Variants in CHMP1A observed in about 807,000 individuals in gnomAD.
CHMP1A encodes VPS46 homolog A.
A neutral mutation model predicts 27.0 loss-of-function variants in CHMP1A; 17 were observed. The observed-to-expected ratio is 0.63, with a 90% CI of 0.43 to 0.95. The LOEUF (loss-of-function observed/expected upper bound fraction) is 0.95, where lower values mean the gene tolerates loss of function less well. Ranked by LOEUF, CHMP1A falls within the 40% of genes least tolerant of loss-of-function variation. The pLI is 0.00. For synonymous variants in CHMP1A, 131 were observed against 107.5 expected, an observed-to-expected ratio of 1.22 and a Z score of -1.35; for missense variants, 275 against 264.0, an observed-to-expected ratio of 1.04 and a Z score of -0.29.
chr16:89,654,198 C>A (rs536296913), intron 1 of CHMP1A, among the ~76,000 whole-genome samples: 4 of 152,224 alleles, frequency 2.6e-5, no homozygotes, highest in Non-Finnish European at 4.4e-5. Context: ...ACCAGCCAAT[C>A]TCAAAGGGTT....
intron 1 of CHMP1A, 111 bp downstream of exon 1, chr16:89,657,471 C>T (rs2059893783): frequency 7.2e-7 from 1 of 1,397,478 alleles, no homozygotes. Context: ...CGGTCGAGGC[C>T]CGAGCTCTCC....
At chr16:89,648,693 C>T (rs183201209) in intron 4 of CHMP1A, among the ~76,000 whole-genome samples, 1 of 151,752 alleles carries the variant, frequency 6.6e-6, no homozygotes, top group East Asian at 1.9e-4. Context: ...GAGTTTGAGA[C>T]CAGAGCGGCC....
rs763955537 is a variant in CHMP1A at position 89,645,959 on chromosome 16, C to G, written c.*107G>C. 157 of 1,610,752 alleles carry G rather than the reference C, an allele frequency of 9.7e-5. No homozygotes were observed. Among genetic ancestry groups the G allele is most frequent in the Non-Finnish European group, 1.3e-4 (154 of 1,179,086 alleles). ...CAGGTGAGAGACGCAGAGTGGCTGCCGGCCGCAGCCCCGCGGGGTCAGCAC... is the reference window on the plus strand; with the variant it reads ...CAGGTGAGAGACGCAGAGTGGCTGCGGGCCGCAGCCCCGCGGGGTCAGCAC... On this transcript the variant is annotated 3_prime_UTR_variant, in exon 7 of 7. Transcript: ENST00000397901.
chr16:89,651,711 A>C lies in CHMP1A; in HGVS notation c.28-65T>G, dbSNP rs961199229. 62 of 1,493,000 alleles carry C rather than the reference A, an allele frequency of 4.2e-5. No individual in the cohort carries two copies. The African/African-American group carries it at 8.1e-4, about 20-fold the overall frequency. 92.5% of individuals were successfully genotyped at this position (1,493,000 alleles called of 1,614,324 possible). On this transcript the variant is annotated intron_variant, in intron 2 of 6. Transcript: ENST00000397901. ...GCCCATCCCCCAGGCCCGGCTCTCC[A>C]CACCCCCACACCTGTGCCCACACCT...
rs2059782300 is a variant in CHMP1A, at chr16:89,647,255, G to A, written c.329C>T (p.Ser110Leu). The stretch of plus-strand genomic sequence containing the variant: ...CTGCTGCTCGAACCTGTCCATCACT[G>A]AGGAGACCTTCTGCAGGTCCATGGT... Reference protein sequence around the residue: ...LSTMDLQKVSSVMDRFEQQVQ... With the variant: ...LSTMDLQKVSLVMDRFEQQVQ... The change falls in exon 5 of 7, where the codon TCA becomes TTA. Residue 110 changes from serine to leucine, a missense_variant. Physicochemically the swap from Ser to Leu is moderately radical, Grantham distance 145 (BLOSUM62 -2). Coordinates refer to ENST00000397901, the MANE Select transcript of CHMP1A (RefSeq NM_002768.5). 6.2e-7 allele frequency: 1 copy of A among 1,610,734 alleles called. No homozygotes were observed. Among genetic ancestry groups the A allele is most frequent in the Non-Finnish European group, 8.5e-7 (1 of 1,178,758 alleles).
chr16:89,644,673 C>T lies in CHMP1A; in HGVS notation c.*1393G>A, dbSNP rs956622185. 13 of 152,282 alleles carry T rather than the reference C, an allele frequency of 8.5e-5. No homozygotes were observed. The highest frequency in any genetic ancestry group is 3.1e-4 in the African/African-American group (13 of 41,456). 9.4% of individuals were successfully genotyped at this position (152,282 alleles called of 1,614,324 possible). On this transcript the variant is annotated 3_prime_UTR_variant, in exon 7 of 7. Transcript: ENST00000397901. ...CGTCTAGGACCTACCAACACTAGCCCCTCCCTGGGGGCTCCCAAGTTCTGA... is the reference window on the plus strand; with the variant it reads ...CGTCTAGGACCTACCAACACTAGCCTCTCCCTGGGGGCTCCCAAGTTCTGA...
At chr16:89,653,716 GA>G (rs2059842767) in intron 2 of CHMP1A, among the ~76,000 whole-genome samples, 187 bp downstream of exon 2, 1 of 149,204 alleles carries the variant, frequency 6.7e-6, no homozygotes, top group African/African-American at 2.5e-5. Context: ...CCTCAGATAA[GA>G]AAAGAGCTAA....
chr16:89,646,393 G>T, intron 6 of CHMP1A, 134 bp downstream of exon 6: 1 of 1,053,664 alleles, frequency 9.5e-7, no homozygotes, highest in Non-Finnish European at 1.4e-6. Flanking sequence ...TGGGGCCTCT[G>T]AGTCGAGATC....
intron 3 of CHMP1A, 100 bp from the exon 4 acceptor site, chr16:89,649,597 A>G: frequency 7.0e-7 from 1 of 1,435,004 alleles, no homozygotes; most frequent in Non-Finnish European, 9.5e-7. Flanking sequence ...TTTGTTTGAG[A>G]CGGAGTCTTG....
At chr16:89,650,634 C>T (rs2059816972) in intron 3 of CHMP1A, among the ~76,000 whole-genome samples, 1 of 152,114 alleles carries the variant, frequency 6.6e-6, no homozygotes, top group Admixed American at 6.5e-5. Flanking sequence ...GGCGAAACCC[C>T]ATCTCTACTA....
Position 89,653,813 on chromosome 16 carries a change from C to T in CHMP1A, c.27+91G>A, listed in dbSNP as rs538589912. The T allele has an allele frequency of 1.4e-4, 193 of 1,348,402 alleles. 2 individuals carry two copies. The South Asian group carries it at 2.1e-3, about 15-fold the overall frequency. The allele number at this position is 1,348,402 out of a possible 1,614,324, so 83.5% of individuals were successfully genotyped here. The stretch of plus-strand genomic sequence containing the variant: ...GGTCACTCAACTGTTATATAATCTG[C>T]CCGACTGTTTCTGTGGCTCTGAGTG... On this transcript the variant is annotated intron_variant, in intron 2 of 6. Transcript: ENST00000397901.
chr16:89,649,887 G>A (rs1028884295), intron 3 of CHMP1A, among the ~76,000 whole-genome samples: 1 of 152,116 alleles, frequency 6.6e-6, no homozygotes, highest in African/African-American at 2.4e-5. Context: ...TAGGAGCCCA[G>A]TGTTGAGGCG....
chr16:89,651,497 AC>A (rs1241197684), intron 3 of CHMP1A, 71 bp downstream of exon 3: 1 of 1,456,042 alleles, frequency 6.9e-7, no homozygotes. Flanking sequence ...AAAACAGGAC[AC>A]AAAAATAAGG....
chr16:89,654,236 G>A (rs1315716734), intron 1 of CHMP1A, among the ~76,000 whole-genome samples: 2 of 152,218 alleles, frequency 1.3e-5, no homozygotes, highest in South Asian at 2.1e-4. Flanking sequence ...GGTCATGGAC[G>A]CAGCATCTTT....
chr16:89,656,545 C>T, intron 1 of CHMP1A, among the ~76,000 whole-genome samples: 1 of 152,224 alleles, frequency 6.6e-6, no homozygotes, highest in East Asian at 1.9e-4. Flanking sequence ...TATCCCTGAG[C>T]ACACAGCCGG....
chr16:89,652,934 C>G (rs1419712441), intron 2 of CHMP1A, among the ~76,000 whole-genome samples: 1 of 152,106 alleles, frequency 6.6e-6, no homozygotes, highest in African/African-American at 2.4e-5. Context: ...ACTCAGAAAG[C>G]TCTCCTTCAA....
At chr16:89,654,089 A>C (rs546879747) in intron 1 of CHMP1A, among the ~76,000 whole-genome samples, 166 bp from the exon 2 acceptor site, 16 of 152,336 alleles carry the variant, frequency 1.1e-4, no homozygotes, top group African/African-American at 3.6e-4. Context: ...GGGAGGCACG[A>C]GACAGATTCG....
At position 89,646,088 on chromosome 16, in the gene CHMP1A, C is replaced by G. The variant is rs2059771358; in HGVS notation, c.570-1G>C. 2 of 1,543,802 alleles carry G rather than the reference C, an allele frequency of 1.3e-6. No individual in the cohort carries two copies. The highest frequency in any genetic ancestry group is 1.7e-6 in the Non-Finnish European group (2 of 1,145,454). Reference sequence around the variant, plus strand: ...CGGCTAGTTCCTCAAGGCGGCCAACCTGGAAACCAACAACAGGACTCGGGT... The same window carrying G: ...CGGCTAGTTCCTCAAGGCGGCCAACGTGGAAACCAACAACAGGACTCGGGT... On this transcript the variant is annotated splice_acceptor_variant, in intron 6 of 6. Transcript: ENST00000397901. LOFTEE classifies it high-confidence loss of function.
rs1189567782 is a variant in CHMP1A, at chr16:89,653,896, G to A, written c.27+8C>T. The A allele has an allele frequency of 3.7e-6, 6 of 1,613,318 alleles. No individual in the cohort carries two copies. Among genetic ancestry groups the A allele is most frequent in the East Asian group, 2.2e-5 (1 of 44,882 alleles). ...CAGGGCTGGGGTGAACGGCCATTCG[G>A]TACATACCTTCAACTGGAACAGGGT... is the stretch of plus-strand genomic sequence containing the variant. On this transcript the variant is annotated splice_region_variant and intron_variant, in intron 2 of 6. Coordinates refer to ENST00000397901, the MANE Select transcript of CHMP1A (RefSeq NM_002768.5).
Sources: gnomAD v4.1 joint callset for allele counts (sites outside exome capture counted in the v4.1 genomes callset) on GRCh38, gnomAD v4.1.1 for gene constraint, MANE v1.5 for transcripts, NCBI Gene and HGNC (gene_info 2026-07-23, HGNC 2026-07-21) for gene names.